The following PRUNE1 variants were observed in gnomAD, a reference collection of about 807,000 sequenced individuals.
PRUNE1 encodes exopolyphosphatase PRUNE1.
A neutral mutation model predicts 42.5 loss-of-function variants in PRUNE1; 25 were observed. The ratio of observed to expected loss-of-function variants is 0.59; its 90% confidence interval spans 0.43 to 0.82. The LOEUF (loss-of-function observed/expected upper bound fraction) is 0.82. PRUNE1 is among the 40% of genes least tolerant of loss of function. The pLI, the probability that PRUNE1 is intolerant of heterozygous loss-of-function variation, is 0.00. For synonymous variants in PRUNE1, 203 were observed against 217.1 expected, an observed-to-expected ratio of 0.93 and a Z score of 0.57; for missense variants, 443 against 539.3, an observed-to-expected ratio of 0.82 and a Z score of 1.77.
At chr1:151,022,565 T>C (rs865863946) in intron 3 of PRUNE1, among the ~76,000 whole-genome samples, 49 of 151,324 alleles carry the variant, frequency 3.2e-4, no homozygotes, top group South Asian at 8.4e-4. Context: ...ACTACAGGTG[T>C]GCCCGCCACC....
At chr1:151,026,460 A>G (rs1674845258) in intron 5 of PRUNE1, among the ~76,000 whole-genome samples, 1 of 151,960 alleles carries the variant, frequency 6.6e-6, no homozygotes, top group African/African-American at 2.4e-5. Flanking sequence ...CTCCGTCTCA[A>G]AAAAAAACAA....
At chr1:151,009,823 C>A (rs1673640106) in intron 1 of PRUNE1, among the ~76,000 whole-genome samples, 1 of 152,112 alleles carries the variant, frequency 6.6e-6, no homozygotes, top group Non-Finnish European at 1.5e-5. Flanking sequence ...ATGCATAAGG[C>A]CATTTGGAAC....
chr1:151,012,029 G>A (rs904671674), intron 1 of PRUNE1, among the ~76,000 whole-genome samples: 35 of 151,988 alleles, frequency 2.3e-4, no homozygotes, highest in Admixed American at 2.0e-3. Flanking sequence ...GGCCCACCTC[G>A]GCCTCCCAAA....
intron 1 of PRUNE1, among the ~76,000 whole-genome samples, chr1:151,009,822 G>T (rs1481668854): frequency 6.6e-6 from 1 of 152,116 alleles, no homozygotes; most frequent in Non-Finnish European, 1.5e-5. Context: ...AATGCATAAG[G>T]CCATTTGGAA....
rs1399836667 is a variant in PRUNE1, at chr1:151,025,740, A to G, written c.679+67A>G. On this transcript the variant is annotated intron_variant, in intron 5 of 7. Coordinates refer to ENST00000271620, the MANE Select transcript of PRUNE1 (RefSeq NM_021222.3). ...AACAGAAAGGCAAGCCTTGTTCATT[A>G]TATTATTTTTTTTTTTTTGAGACAG... 11 of 1,418,660 alleles carry G rather than the reference A, an allele frequency of 7.8e-6. 1 individual carries two copies. The highest frequency in any genetic ancestry group is 1.0e-5 in the Non-Finnish European group (11 of 1,066,018). 87.9% of individuals were successfully genotyped at this position (1,418,660 alleles called of 1,614,324 possible).
intron 1 of PRUNE1, among the ~76,000 whole-genome samples, chr1:151,010,671 ATTTT>A: frequency 7.4e-6 from 1 of 135,498 alleles, no homozygotes; most frequent in African/African-American, 2.8e-5. Flanking sequence ...AATTGCTTTA[ATTTT>A]TTTTTTTTTT....
At chr1:151,020,224 C>T (rs1344589831) in intron 3 of PRUNE1, among the ~76,000 whole-genome samples, 1 of 144,502 alleles carries the variant, frequency 6.9e-6, no homozygotes, top group Non-Finnish European at 1.5e-5. Context: ...ATAGCGAGAC[C>T]CTGTTCTCTA....
chr1:151,023,684 C>T (rs1414704072), intron 3 of PRUNE1, among the ~76,000 whole-genome samples: 2 of 148,876 alleles, frequency 1.3e-5, no homozygotes, highest in Non-Finnish European at 3.0e-5. Flanking sequence ...CACCACTGCA[C>T]TCCAGCCTGG....
At chr1:151,015,370 TCA>T (rs1348596753) in intron 1 of PRUNE1, among the ~76,000 whole-genome samples, 1 of 135,940 alleles carries the variant, frequency 7.4e-6, no homozygotes, top group Non-Finnish European at 1.5e-5. Context: ...GCACGGTGGC[TCA>T]TGCCTGTAAT....
At chr1:151,029,138 C>G (rs1675068623) in intron 7 of PRUNE1, among the ~76,000 whole-genome samples, 194 bp downstream of exon 7, 2 of 137,286 alleles carry the variant, frequency 1.5e-5, no homozygotes. Flanking sequence ...ATATGAATAT[C>G]CTTTTTTTTT....
At chr1:151,030,018 C>G (rs1340032907) in intron 7 of PRUNE1, among the ~76,000 whole-genome samples, 1 of 151,766 alleles carries the variant, frequency 6.6e-6, no homozygotes, top group Non-Finnish European at 1.5e-5. Flanking sequence ...AATCCCAGCA[C>G]TTTGGGAAGC....
chr1:151,014,587 C>T (rs1347486072), intron 1 of PRUNE1, among the ~76,000 whole-genome samples: 1 of 152,124 alleles, frequency 6.6e-6, no homozygotes, highest in African/African-American at 2.4e-5. Flanking sequence ...TCCCTAGATT[C>T]CCTTTTTTTC....
chr1:151,018,366 G>C (rs768656380), intron 2 of PRUNE1, 101 bp from the exon 3 acceptor site: 13 of 1,025,632 alleles, frequency 1.3e-5, no homozygotes, highest in Non-Finnish European at 2.0e-5. Flanking sequence ...TGAGAAAGGT[G>C]GTAACTTACC....
chr1:151,023,490 C>G (rs1319948497), intron 3 of PRUNE1, among the ~76,000 whole-genome samples: 1 of 151,842 alleles, frequency 6.6e-6, no homozygotes, highest in Non-Finnish European at 1.5e-5. Flanking sequence ...GAGGCCGAGG[C>G]GGGCGGATCA....
At chr1:151,015,633 C>CAA (rs34251388) in intron 1 of PRUNE1, among the ~76,000 whole-genome samples, 3 of 86,864 alleles carry the variant, frequency 3.5e-5, no homozygotes, top group African/African-American at 4.6e-5. Flanking sequence ...GACTCCATCT[C>CAA]AAAAAAAAAA....
In PRUNE1 at chr1:151,028,869, T is replaced by C; in HGVS notation, c.858T>C (p.Thr286=). Residue 286 remains threonine (T), a synonymous_variant, in exon 7 of 8, where the codon ACT becomes ACC. Coordinates refer to ENST00000271620, the MANE Select transcript of PRUNE1 (RefSeq NM_021222.3). The part of the protein sequence containing the change: ...AHSYDVLVAM[T]IFFNTHNEPV... ...GCTATGATGTCCTGGTTGCCATGAC[T>C]ATCTTTTTCAACACTCACAATGAGC... 6.2e-7 allele frequency: 1 copy of C among 1,613,974 alleles called. No homozygotes were observed. The highest frequency in any genetic ancestry group is 1.3e-5 in the African/African-American group (1 of 75,028).
chr1:151,031,501 T>TA (rs1045041715), intron 7 of PRUNE1, among the ~76,000 whole-genome samples: 2 of 152,118 alleles, frequency 1.3e-5, no homozygotes, highest in Non-Finnish European at 2.9e-5. Flanking sequence ...GTCCTTTTCT[T>TA]ACAGTCTACT....
intron 7 of PRUNE1, 42 bp from the exon 8 acceptor site, chr1:151,033,764 A>G (rs1280869841): frequency 1.9e-6 from 3 of 1,559,196 alleles, no homozygotes; most frequent in Admixed American, 3.5e-5. Flanking sequence ...ACTTTGCTAC[A>G]GCAAGTTGTG....
At chr1:151,032,244 C>CAA (rs11452561) in intron 7 of PRUNE1, among the ~76,000 whole-genome samples, 291 of 144,602 alleles carry the variant, frequency 2.0e-3, no homozygotes, top group Admixed American at 3.1e-3. Context: ...GAATCCATTT[C>CAA]AAAAAAAAAA....
Sources: gnomAD v4.1 joint callset for allele counts (sites outside exome capture counted in the v4.1 genomes callset) on GRCh38, gnomAD v4.1.1 for gene constraint, MANE v1.5 for transcripts, NCBI Gene and HGNC (gene_info 2026-07-23, HGNC 2026-07-21) for gene names.